Variants in EXOC4 observed in about 807,000 individuals in gnomAD.
EXOC4 encodes SEC8-like 1.
EXOC4 carries 71 observed loss-of-function variants against 107.2 expected under a neutral mutation model. The observed-to-expected ratio is 0.66, with a 90% confidence interval of 0.55 to 0.81. EXOC4 has a LOEUF of 0.81. Ranked by LOEUF, EXOC4 falls within the 30% of genes least tolerant of loss-of-function variation. The pLI is 0.00. For synonymous variants in EXOC4, 456 were observed against 441.2 expected (o/e 1.03, Z -0.42); for missense variants, 1,108 against 1,189.6 (o/e 0.93, Z 1.01).
intron 9 of EXOC4, among the ~76,000 whole-genome samples, chr7:133,518,413 T>A (rs940283379): frequency 6.6e-6 from 1 of 151,746 alleles, no homozygotes; most frequent in Admixed American, 6.6e-5. Flanking sequence ...TATTCATTCA[T>A]GGCCTCTCCT....
intron 11 of EXOC4, among the ~76,000 whole-genome samples, chr7:133,883,170 C>T (rs1024816072): frequency 5.3e-5 from 8 of 152,172 alleles, no homozygotes; most frequent in Admixed American, 3.9e-4. Flanking sequence ...GGTCAGACTA[C>T]TTTGACTCAG....
intron 14 of EXOC4, among the ~76,000 whole-genome samples, chr7:133,944,858 C>G (rs1800512476): frequency 6.6e-6 from 1 of 152,088 alleles, no homozygotes; most frequent in Non-Finnish European, 1.5e-5. Context: ...TGCTAAACAT[C>G]CCTTAATAAA....
chr7:133,298,031 AC>A (rs949937280), intron 3 of EXOC4, among the ~76,000 whole-genome samples: 19 of 152,312 alleles, frequency 1.2e-4, no homozygotes, highest in African/African-American at 4.6e-4. Flanking sequence ...GCTGATGACA[AC>A]CCATGTTGTT....
At chr7:133,933,042 G>A (rs547585067) in intron 13 of EXOC4, among the ~76,000 whole-genome samples, 4 of 109,764 alleles carry the variant, frequency 3.6e-5, no homozygotes, top group Admixed American at 1.6e-4. Flanking sequence ...TGCTGAAAGC[G>A]CAGATTTTTT....
chr7:133,572,335 A>G (rs1243467527), intron 9 of EXOC4, among the ~76,000 whole-genome samples: 2 of 152,220 alleles, frequency 1.3e-5, no homozygotes, highest in African/African-American at 4.8e-5. Flanking sequence ...CAAGGCAAAC[A>G]GTAAATCTGA....
chr7:133,876,434 C>T (rs1161339656), intron 11 of EXOC4, among the ~76,000 whole-genome samples: 1 of 152,138 alleles, frequency 6.6e-6, no homozygotes. Context: ...GCCAAATGTC[C>T]ATACATGATC....
At chr7:133,522,553 A>G (rs1800000151) in intron 9 of EXOC4, among the ~76,000 whole-genome samples, 1 of 152,134 alleles carries the variant, frequency 6.6e-6, no homozygotes, top group African/African-American at 2.4e-5. Context: ...GATGAAAGCC[A>G]AACTTGAAAA....
chr7:133,802,849 C>CAAA (rs59489161), intron 10 of EXOC4, among the ~76,000 whole-genome samples: 4 of 64,216 alleles, frequency 6.2e-5, no homozygotes, highest in African/African-American at 1.7e-4. Context: ...TCTGTCTCCA[C>CAAA]AAAAAAAAAA....
rs6947125 is a variant in EXOC4, at chr7:133,549,238, C to T, written c.1417+69100C>T. ...AACCCCTGCCCTCAAGTGATCTGCC[C>T]GCCTTGGCCTCCCAAAGTGCTGGGA... On this transcript the variant is annotated intron_variant, in intron 9 of 17. Transcript: ENST00000253861. 2.5e-3 allele frequency among the ~76,000 whole-genome samples: 376 copies of T among 152,264 alleles called. 5 individuals are homozygous for T. Among genetic ancestry groups the T allele is most frequent in the African/African-American group, 8.4e-3 (348 of 41,556 alleles).
At chr7:133,851,809 G>A (rs1449833835) in intron 11 of EXOC4, among the ~76,000 whole-genome samples, 1 of 152,180 alleles carries the variant, frequency 6.6e-6, no homozygotes, top group Non-Finnish European at 1.5e-5. Flanking sequence ...GTGGCCATTG[G>A]AAGATTTTAA....
intron 11 of EXOC4, among the ~76,000 whole-genome samples, chr7:133,863,425 C>A (rs1798574635): frequency 6.6e-6 from 1 of 151,984 alleles, no homozygotes. Flanking sequence ...TAATAATAAA[C>A]CAAAAAACAT....
At chr7:133,293,599 C>T (rs986170470) in intron 3 of EXOC4, among the ~76,000 whole-genome samples, 1 of 152,214 alleles carries the variant, frequency 6.6e-6, no homozygotes, top group Non-Finnish European at 1.5e-5. Context: ...TTGCTCTTGG[C>T]AGCTCCTGCT....
At chr7:133,267,509 G>A (rs1043395437) in intron 1 of EXOC4, among the ~76,000 whole-genome samples, 1 of 152,008 alleles carries the variant, frequency 6.6e-6, no homozygotes, top group Non-Finnish European at 1.5e-5. Flanking sequence ...ATCTTTATCC[G>A]AGAGGCCCTC....
chr7:133,838,512 C>A (rs1797963929), intron 11 of EXOC4, among the ~76,000 whole-genome samples: 1 of 152,120 alleles, frequency 6.6e-6, no homozygotes, highest in Non-Finnish European at 1.5e-5. Context: ...AATCTCACCC[C>A]CTTTTTGGTG....
At chr7:133,634,223 G>A (rs1467835222) in intron 10 of EXOC4, among the ~76,000 whole-genome samples, 1 of 152,044 alleles carries the variant, frequency 6.6e-6, no homozygotes, top group African/African-American at 2.4e-5. Flanking sequence ...TCCATCACTA[G>A]GAAATCTCAC....
At chr7:134,070,700 A>G (rs987527106), downstream of EXOC4, among the ~76,000 whole-genome samples, 16 of 152,096 alleles carry the variant, frequency 1.1e-4, no homozygotes, top group Non-Finnish European at 2.9e-5. Flanking sequence ...GTCCCTGGGA[A>G]CCTAAGAACG....
chr7:133,739,013 G>A (rs1266853723), intron 10 of EXOC4, among the ~76,000 whole-genome samples: 4 of 152,134 alleles, frequency 2.6e-5, no homozygotes, highest in Admixed American at 2.0e-4. Context: ...GACCCAAAGT[G>A]TACTCTTAGC....
chr7:133,778,886 T>A (rs1311586515), intron 10 of EXOC4, among the ~76,000 whole-genome samples: 1 of 152,230 alleles, frequency 6.6e-6, no homozygotes, highest in African/African-American at 2.4e-5. Flanking sequence ...CATCAGAGAT[T>A]TTTAAATAAA....
At position 133,523,697 on chromosome 7, in the gene EXOC4, G is replaced by T. The variant is rs918846500; in HGVS notation, c.1417+43559G>T. The stretch of plus-strand genomic sequence containing the variant: ...TATGAGTGAGAATATGTGGTATTTG[G>T]TTTTTTGTTCTTGCGATAGTTTACT... On this transcript the variant is annotated intron_variant, in intron 9 of 17. Coordinates refer to ENST00000253861, the MANE Select transcript of EXOC4 (RefSeq NM_021807.4). 5.7e-4 allele frequency among the ~76,000 whole-genome samples: 86 copies of T among 151,862 alleles called. 1 individual carries two copies. The highest frequency in any genetic ancestry group is 1.3e-4 in the Non-Finnish European group (9 of 67,998).
Sources: gnomAD v4.1 joint callset for allele counts (sites outside exome capture counted in the v4.1 genomes callset) on GRCh38, gnomAD v4.1.1 for gene constraint, MANE v1.5 for transcripts, NCBI Gene and HGNC (gene_info 2026-07-23, HGNC 2026-07-21) for gene names.